The following ADAR variants were observed in gnomAD, a reference collection of about 807,000 sequenced individuals.
ADAR encodes adenosine deaminase RNA specific.
In ADAR, 41 loss-of-function variants were observed where a neutral mutation model predicts 113.2. The ratio of observed to expected loss-of-function variants is 0.36; its 90% CI spans 0.28 to 0.47. The LOEUF is 0.47. ADAR is among the 20% of genes least tolerant of loss of function. ADAR has a pLI of 1.00. For synonymous variants in ADAR, 605 were observed against 572.6 expected, an observed-to-expected ratio of 1.06 and a Z score of -0.81; for missense variants, 1,242 against 1,540.9, an observed-to-expected ratio of 0.81 and a Z score of 3.25.
rs1366643751 is a variant in ADAR, at chr1:154,588,167, C to T, written c.2977G>A (p.Glu993Lys). ...STESRHYPVF[E>K]NPKQGKLRTK... ...CGGAGCTTTCCTTGTTTGGGATTCT[C>T]GAAGACAGGGTAGTGGCGGGATTCT... Residue 993 changes from glutamate (E) to lysine (K), a missense_variant, in exon 11 of 15, where the codon GAG becomes AAG. Glu to Lys is a moderately conservative substitution (Grantham distance 56). This residue lies in a region of ADAR where 780 missense variants were observed against 1,057.9 expected (regional missense o/e 0.74). Coordinates refer to ENST00000368474, the MANE Select transcript of ADAR (RefSeq NM_001111.5). 3.1e-6 allele frequency: 5 copies of T among 1,614,092 alleles called. No homozygotes were observed. Among genetic ancestry groups the T allele is most frequent in the Admixed American group, 1.7e-5 (1 of 60,020 alleles).
intron 1 of ADAR, among the ~76,000 whole-genome samples, chr1:154,620,380 T>G (rs1350127535): frequency 6.6e-6 from 1 of 151,406 alleles, no homozygotes; most frequent in Non-Finnish European, 1.5e-5. Flanking sequence ...CACTCCAGCC[T>G]GGGTAACAGA....
chr1:154,607,112 C>T (rs1269279130), intron 1 of ADAR, among the ~76,000 whole-genome samples: 4 of 152,088 alleles, frequency 2.6e-5, no homozygotes, highest in Non-Finnish European at 5.9e-5. Flanking sequence ...CAATCAATTT[C>T]TTCCACGATA....
chr1:154,613,858 C>G (rs1698557697), intron 1 of ADAR, among the ~76,000 whole-genome samples: 2 of 148,456 alleles, frequency 1.3e-5, no homozygotes, highest in Admixed American at 6.8e-5. Context: ...GAGCCGAGAT[C>G]GCACCACTGC....
chr1:154,589,703 A>T, intron 8 of ADAR, 54 bp downstream of exon 8: 1 of 1,607,038 alleles, frequency 6.2e-7, no homozygotes, highest in Non-Finnish European at 8.5e-7. Flanking sequence ...GGAGGATGAG[A>T]GGCACCCGCT....
intron 1 of ADAR, among the ~76,000 whole-genome samples, chr1:154,603,583 G>A (rs969829906): frequency 2.6e-5 from 4 of 152,048 alleles, no homozygotes; most frequent in Non-Finnish European, 4.4e-5. Context: ...GCAACCCCAT[G>A]TTCTCATATG....
At chr1:154,611,230 G>A (rs564889479), upstream of ADAR, among the ~76,000 whole-genome samples, 8 of 152,208 alleles carry the variant, frequency 5.3e-5, no homozygotes, top group African/African-American at 1.4e-4. Flanking sequence ...ACTACTGTGC[G>A]AGGGAAGCTG....
At chr1:154,588,892 G>A (rs1696940569) in intron 9 of ADAR, among the ~76,000 whole-genome samples, 1 of 152,232 alleles carries the variant, frequency 6.6e-6, no homozygotes, top group Non-Finnish European at 1.5e-5. Flanking sequence ...TCCTCGCTAT[G>A]GCGGCTACAG....
intron 1 of ADAR, among the ~76,000 whole-genome samples, chr1:154,625,712 A>AGCCGGGCATAG (rs1698913440): frequency 6.6e-6 from 1 of 151,500 alleles, no homozygotes; most frequent in African/African-American, 2.4e-5. Context: ...TACAAAAATT[A>AGCCGGGCATAG]GCCGGGCATA....
chr1:154,601,088 G>A lies in ADAR; in HGVS notation c.1554C>T (p.Thr518=). 6.2e-7 allele frequency: 1 copy of A among 1,614,198 alleles called. No individual in the cohort carries two copies. Among genetic ancestry groups the A allele is most frequent in the Non-Finnish European group, 8.5e-7 (1 of 1,180,034 alleles). Residue 518 remains threonine, a synonymous_variant, in exon 2 of 15, where the codon ACC becomes ACT. Transcript: ENST00000368474. The surrounding 1 kb of genome is among the most constrained non-coding windows in gnomAD (Gnocchi z 4.7). ...TCTGCTCTATCATGTTGAACTCACAGGTTTGACTAGCGAACTGGGCATATT... is the reference window on the plus strand; with the variant it reads ...TCTGCTCTATCATGTTGAACTCACAAGTTTGACTAGCGAACTGGGCATATT... The part of the protein sequence containing the change: ...LLEYAQFASQ[T]CEFNMIEQSG...
chr1:154,583,082 G>C lies in ADAR; in HGVS notation c.*1724C>G, dbSNP rs1696512439. 1 of 152,250 alleles carries C rather than the reference G, an allele frequency of 6.6e-6. No homozygotes were observed. Among genetic ancestry groups the C allele is most frequent in the Non-Finnish European group, 1.5e-5 (1 of 68,048 alleles). 9.4% of individuals were successfully genotyped at this position (152,250 alleles called of 1,614,324 possible). ...GATGACCTAGTCAGCAGTTTGGAGG[G>C]AAATCATCTGAGGGTGCTGGCTCAG... On this transcript the variant is annotated 3_prime_UTR_variant, in exon 15 of 15. Transcript: ENST00000368474.
chr1:154,594,345 AAC>A (rs1241699124), intron 6 of ADAR, among the ~76,000 whole-genome samples: 14 of 152,234 alleles, frequency 9.2e-5, no homozygotes, highest in African/African-American at 3.4e-4. Flanking sequence ...CCCAGAAGCA[AAC>A]ACAGTTGCCA....
chr1:154,588,755 A>T, intron 9 of ADAR, 82 bp from the exon 10 acceptor site: 4 of 1,566,500 alleles, frequency 2.6e-6, no homozygotes, highest in Non-Finnish European at 3.5e-6. Flanking sequence ...TCCAAATGAG[A>T]AAGTAAGGAA....
At chr1:154,622,824 TAAAC>T (rs1282889274) in intron 1 of ADAR, among the ~76,000 whole-genome samples, 1 of 152,242 alleles carries the variant, frequency 6.6e-6, no homozygotes, top group African/African-American at 2.4e-5. Flanking sequence ...ATTCATTTAA[TAAAC>T]ATTTACTGAA....
chr1:154,596,550 T>C (rs1697507668), intron 6 of ADAR, among the ~76,000 whole-genome samples: 1 of 152,212 alleles, frequency 6.6e-6, no homozygotes, highest in South Asian at 2.1e-4. Flanking sequence ...TGAATGATTT[T>C]TTAATGTACC....
At chr1:154,591,328 C>T (rs997656278) in intron 6 of ADAR, among the ~76,000 whole-genome samples, 1 of 152,246 alleles carries the variant, frequency 6.6e-6, no homozygotes, top group Non-Finnish European at 1.5e-5. Context: ...ATTTTTAAAG[C>T]GCCCAACTCC....
In ADAR at chr1:154,604,588, T is replaced by C. The variant is rs188510377; in HGVS notation, c.16-1962A>G. Among the ~76,000 whole-genome samples, 453 of 152,364 alleles carry C rather than the reference T, an allele frequency of 3.0e-3. 3 individuals carry two copies. Among genetic ancestry groups the C allele is most frequent in the South Asian group, 0.021 (102 of 4,830 alleles). On this transcript the variant is annotated intron_variant, in intron 1 of 14. Transcript: ENST00000368474. ...GTTTAACAAACATGCCTTAGTTCACTGTGGATTGAGTACTCTTCTTTTAAA... is the reference window on the plus strand; with the variant it reads ...GTTTAACAAACATGCCTTAGTTCACCGTGGATTGAGTACTCTTCTTTTAAA...
chr1:154,611,625 G>C (rs565088608), upstream of ADAR, among the ~76,000 whole-genome samples: 1 of 152,124 alleles, frequency 6.6e-6, no homozygotes, highest in African/African-American at 2.4e-5. Flanking sequence ...CCTACCCTTC[G>C]AGCATTTTCC....
chr1:154,613,186 G>A (rs550115504), upstream of ADAR, among the ~76,000 whole-genome samples: 1 of 151,870 alleles, frequency 6.6e-6, no homozygotes, highest in East Asian at 1.9e-4. Context: ...TAAAGCTTTT[G>A]GTAGAGAAGA....
upstream of ADAR, chr1:154,608,834 G>GA (rs1460777850): frequency 2.1e-5 from 3 of 141,304 alleles, 1 homozygote; most frequent in Non-Finnish European, 4.7e-5. Context: ...GTGGAGGGGG[G>GA]GGGGAGGGGA....
Sources: gnomAD v4.1 joint callset for allele counts (sites outside exome capture counted in the v4.1 genomes callset) on GRCh38, gnomAD v4.1.1 for gene constraint, gnomAD v4.1.1 regional missense constraint, Gnocchi (gnomAD v3.1) non-coding constraint, MANE v1.5 for transcripts, NCBI Gene and HGNC (gene_info 2026-07-23, HGNC 2026-07-21) for gene names.